ITPRID1: variants seen among roughly 807,000 people sequenced by gnomAD.
ITPRID1 encodes the protein ITPR interacting domain containing 1.
In ITPRID1, 96 loss-of-function variants were observed where a neutral mutation model predicts 95.4. That is an observed-to-expected ratio of 1.01 (90% confidence interval 0.85 to 1.19). ITPRID1 has a LOEUF of 1.19. Among genes scored for constraint, ITPRID1 ranks in the 50% most tolerant of loss-of-function variants. The pLI, the probability that ITPRID1 is intolerant of heterozygous loss-of-function variation, is 0.00. For synonymous variants in ITPRID1, 510 were observed against 453.6 expected (o/e 1.12, Z -1.58); for missense variants, 1,339 against 1,252.9 (o/e 1.07, Z -1.04).
At chr7:31,619,946 G>C (rs1787660889) in intron 10 of ITPRID1, among the ~76,000 whole-genome samples, 1 of 152,184 alleles carries the variant, frequency 6.6e-6, no homozygotes, top group Non-Finnish European at 1.5e-5. Flanking sequence ...CGGCGCACCA[G>C]GAGACTATAT....
At chr7:31,636,950 T>A (rs986236188) in intron 10 of ITPRID1, among the ~76,000 whole-genome samples, 9 of 145,896 alleles carry the variant, frequency 6.2e-5, no homozygotes, top group African/African-American at 2.3e-4. Flanking sequence ...GTGTTCTTAT[T>A]GTTCAGTTCC....
chr7:31,529,418 A>G (rs1324280127), intron 1 of ITPRID1: 1 of 238,924 alleles, frequency 4.2e-6, no homozygotes, highest in African/African-American at 2.2e-5. Context: ...AGGAACAGCA[A>G]GAGGTTTCAC....
rs143690079 is a variant in ITPRID1 at position 31,553,122 on chromosome 7, C to T, written c.98C>T (p.Pro33Leu). 2,208 of 1,596,760 alleles carry T rather than the reference C, an allele frequency of 1.4e-3. 36 individuals carry two copies. The highest frequency in any genetic ancestry group is 1.6e-4 in the Non-Finnish European group (188 of 1,170,908). Residue 33 changes from proline (P) to leucine (L), a missense_variant, in exon 3 of 15, where the codon CCG becomes CTG. Physicochemically the swap from Pro to Leu is moderately conservative, Grantham distance 98. Coordinates refer to ENST00000615280, the MANE Select transcript of ITPRID1 (RefSeq NM_001257967.3). Reference protein sequence around the residue: ...ILKCTKSAWAPLDEWLPPDPE... With the variant: ...ILKCTKSAWALLDEWLPPDPE... The stretch of plus-strand genomic sequence containing the variant: ...AAGTGCACCAAAAGCGCGTGGGCTC[C>T]GCTGGATGAGTGGCTGCCCCCTGAC...
intron 1 of ITPRID1, among the ~76,000 whole-genome samples, chr7:31,549,102 T>C (rs1189502087): frequency 6.6e-6 from 1 of 152,170 alleles, no homozygotes; most frequent in Non-Finnish European, 1.5e-5. Context: ...TCTCCCATTA[T>C]GCAGTTCTCT....
intron 10 of ITPRID1, among the ~76,000 whole-genome samples, chr7:31,592,287 A>T (rs1158043934): frequency 6.6e-6 from 1 of 152,214 alleles, no homozygotes; most frequent in African/African-American, 2.4e-5. Context: ...ACTGCCAACT[A>T]TGTAACTTTA....
At chr7:31,520,568 A>G (rs201678472) in intron 1 of ITPRID1, among the ~76,000 whole-genome samples, 1 of 54,644 alleles carries the variant, frequency 1.8e-5, no homozygotes, top group Non-Finnish European at 3.2e-5. Flanking sequence ...TGTGTGTGAG[A>G]GAGAGAGAGA....
chr7:31,534,588 C>T (rs1783701423), intron 1 of ITPRID1, among the ~76,000 whole-genome samples: 1 of 152,010 alleles, frequency 6.6e-6, no homozygotes, highest in East Asian at 1.9e-4. Context: ...CTTTCTCATG[C>T]TTGGTGTTTG....
rs934787378 is a variant in ITPRID1 at position 31,632,115 on chromosome 7, A to G, written c.1229-10061A>G. ...TACAGCAAGAATGTTTTTCAATGCC[A>G]TAGACAACACAGATCAATTTCAGAA... On this transcript the variant is annotated intron_variant, in intron 10 of 14. Coordinates refer to ENST00000615280, the MANE Select transcript of ITPRID1 (RefSeq NM_001257967.3). 2.0e-5 allele frequency among the ~76,000 whole-genome samples: 3 copies of G among 152,322 alleles called. No homozygotes were observed. In the East Asian group the frequency reaches 5.8e-4, roughly 29 times the overall value.
chr7:31,549,661 T>A (rs1026824781), intron 2 of ITPRID1, among the ~76,000 whole-genome samples, 162 bp downstream of exon 2: 1 of 152,134 alleles, frequency 6.6e-6, no homozygotes, highest in African/African-American at 2.4e-5. Context: ...TCCAGAGTTA[T>A]CTGACCTGAA....
chr7:31,521,616 TTCCC>T (rs1258785831), intron 1 of ITPRID1, among the ~76,000 whole-genome samples: 5,562 of 83,480 alleles, frequency 0.067, 467 homozygotes, highest in African/African-American at 0.18. Context: ...TTTTTCTCCT[TTCCC>T]TCCTTCCTTC....
intron 1 of ITPRID1, among the ~76,000 whole-genome samples, chr7:31,515,689 A>T (rs2128125259): frequency 6.6e-6 from 1 of 152,368 alleles, no homozygotes; most frequent in South Asian, 2.1e-4. Context: ...ACTTGATGTG[A>T]TTATTACATT....
chr7:31,537,095 T>TTTTGTG (rs1554281957), intron 1 of ITPRID1, among the ~76,000 whole-genome samples: 5 of 145,568 alleles, frequency 3.4e-5, no homozygotes, highest in African/African-American at 1.3e-4. Flanking sequence ...GGTGTGTGTG[T>TTTTGTG]TGTGTGTGTG....
chr7:31,580,096 G>T (rs768110380), intron 9 of ITPRID1, among the ~76,000 whole-genome samples: 40 of 151,928 alleles, frequency 2.6e-4, no homozygotes, highest in Admixed American at 1.0e-3. Context: ...TCAGGAATTT[G>T]AGACCAGCCT....
rs534476924 is a variant in ITPRID1 at position 31,579,644 on chromosome 7, T to C, written c.1170+1210T>C. Among the ~76,000 whole-genome samples the C allele has an allele frequency of 5.9e-5, 9 of 152,308 alleles. No individual in the cohort carries two copies. In the South Asian group the frequency reaches 1.9e-3, roughly 32 times the overall value. On this transcript the variant is annotated intron_variant, in intron 9 of 14. Transcript: ENST00000615280. ...AATTCATAGAAAGTAGGCTTAACCA[T>C]AATTTCAAAAGAATAGGATTGAGCC...
At chr7:31,633,088 T>C (rs942022054) in intron 10 of ITPRID1, among the ~76,000 whole-genome samples, 1 of 152,004 alleles carries the variant, frequency 6.6e-6, no homozygotes, top group Non-Finnish European at 1.5e-5. Context: ...GGTTTCACCA[T>C]GTTGGCCAGG....
intron 10 of ITPRID1, among the ~76,000 whole-genome samples, chr7:31,586,063 C>T (rs1044228752): frequency 7.0e-6 from 1 of 143,800 alleles, no homozygotes; most frequent in Admixed American, 7.1e-5. Context: ...TTGTTCAGTT[C>T]CCACCTATGA....
intron 12 of ITPRID1, among the ~76,000 whole-genome samples, chr7:31,645,945 G>A (rs1165011815): frequency 4.6e-5 from 7 of 152,154 alleles, no homozygotes; most frequent in Non-Finnish European, 1.0e-4. Context: ...AGGGGAAAAT[G>A]TTAGGGATGA....
Position 31,655,877 on chromosome 7 carries a change from G to C in ITPRID1, c.*3048G>C. 1.0e-6 allele frequency: 1 copy of C among 985,436 alleles called. No individual in the cohort carries two copies. The highest frequency in any genetic ancestry group is 4.7e-5 in the South Asian group (1 of 21,270). The allele number at this position is 985,436 out of a possible 1,614,324, so 61.0% of individuals were successfully genotyped here. ...CCTGTAACGCCTACGGAATGAAGAG[G>C]AACACCTGGCTCTAGGATGTCCCTC... On this transcript the variant is annotated 3_prime_UTR_variant, in exon 15 of 15. Coordinates refer to ENST00000615280, the MANE Select transcript of ITPRID1 (RefSeq NM_001257967.3).
intron 1 of ITPRID1, among the ~76,000 whole-genome samples, chr7:31,514,599 A>G (rs926786602): frequency 2.0e-5 from 3 of 152,338 alleles, no homozygotes; most frequent in African/African-American, 4.8e-5. Context: ...AGTACAGCTT[A>G]TAAGCACGGT....
Sources: allele counts gnomAD v4.1 joint callset (sites outside exome capture counted in the v4.1 genomes callset), GRCh38; gene constraint gnomAD v4.1.1; transcripts MANE v1.5; gene names NCBI Gene and HGNC (gene_info 2026-07-23, HGNC 2026-07-21).